Variants in IDE observed in about 807,000 individuals in gnomAD.
IDE encodes the protein insulin-degrading enzyme.
A neutral mutation model predicts 133.2 loss-of-function variants in IDE; 58 were observed. The observed-to-expected ratio is 0.44, with a 90% CI of 0.35 to 0.54. The LOEUF is 0.54. Ranked by LOEUF, IDE falls within the 20% of genes least tolerant of loss-of-function variation. The pLI is 0.00. For missense variants in IDE, 981 were observed against 1,234.0 expected (o/e 0.79, Z 3.07); for synonymous variants, 396 against 421.3 (o/e 0.94, Z 0.73).
Position 92,508,784 on chromosome 10 carries a change from C to A in IDE, c.1004G>T (p.Gly335Val). The A allele has an allele frequency of 6.2e-7, 1 of 1,613,916 alleles. No homozygotes were observed. Among genetic ancestry groups the A allele is most frequent in the Non-Finnish European group, 8.5e-7 (1 of 1,179,910 alleles). ...YYKSNPGHYL[G>V]HLIGHEGPGS... is the part of the protein sequence containing the mutation. ...AGGACCTTCATGCCCAATGAGATGACCAAGATAATGACCAGGATTTGATTT... is the reference window on the plus strand; with the variant it reads ...AGGACCTTCATGCCCAATGAGATGAACAAGATAATGACCAGGATTTGATTT... Residue 335 changes from glycine (G) to valine (V), a missense_variant, in exon 7 of 25, where the codon GGT becomes GTT. This residue lies in a region of IDE where 660 missense variants were observed against 894.7 expected (regional missense o/e 0.74). Transcript: ENST00000265986.
At chr10:92,558,594 T>C (rs1414627126) in intron 1 of IDE, among the ~76,000 whole-genome samples, 3 of 152,100 alleles carry the variant, frequency 2.0e-5, no homozygotes, top group Non-Finnish European at 4.4e-5. Flanking sequence ...AATATATTTT[T>C]TCATTTGTAT....
chr10:92,537,128 G>T (rs1842054490), intron 2 of IDE, among the ~76,000 whole-genome samples: 1 of 151,994 alleles, frequency 6.6e-6, no homozygotes, highest in Admixed American at 6.6e-5. Flanking sequence ...GAATGGCAAT[G>T]AATTTTTGCT....
At chr10:92,521,422 G>A (rs1418589601) in intron 4 of IDE, among the ~76,000 whole-genome samples, 1 of 151,884 alleles carries the variant, frequency 6.6e-6, no homozygotes. Context: ...TCTAGGCTAT[G>A]AGAAGTTCGA....
At chr10:92,510,847 A>C (rs1354556682) in intron 5 of IDE, among the ~76,000 whole-genome samples, 1 of 150,722 alleles carries the variant, frequency 6.6e-6, no homozygotes, top group African/African-American at 2.4e-5. Flanking sequence ...TATCACACAT[A>C]TGATATATAT....
rs566456638 is a variant in IDE, at chr10:92,490,724, C to G, written c.1431-129G>C. The G allele has an allele frequency of 2.4e-4, 154 of 636,084 alleles. No homozygotes were observed. The East Asian group carries it at 4.0e-3, about 16-fold the overall frequency. The allele number at this position is 636,084 out of a possible 1,614,324, so 39.4% of individuals were successfully genotyped here. A position where few individuals can be genotyped will look rare whatever the true frequency, so the allele number is the denominator to read the frequency against. Reference sequence around the variant, plus strand: ...CTGGGCCTCTTAAGACCCAGCAAATCCTGTAAGGCTTAGTCCAAACAAGCA... The same window carrying G: ...CTGGGCCTCTTAAGACCCAGCAAATGCTGTAAGGCTTAGTCCAAACAAGCA... On this transcript the variant is annotated intron_variant, in intron 11 of 24. Coordinates refer to ENST00000265986, the MANE Select transcript of IDE (RefSeq NM_004969.4).
chr10:92,484,066 C>T (rs542686523), intron 13 of IDE, among the ~76,000 whole-genome samples: 1 of 152,182 alleles, frequency 6.6e-6, no homozygotes, highest in South Asian at 2.1e-4. Context: ...ACGACAAGCC[C>T]TGAGCCAGAA....
chr10:92,564,875 A>G (rs1843457780), intron 1 of IDE, among the ~76,000 whole-genome samples: 1 of 151,820 alleles, frequency 6.6e-6, no homozygotes, highest in Admixed American at 6.6e-5. Flanking sequence ...TCTGCAACAC[A>G]GTAAGACCCC....
At chr10:92,557,959 T>A (rs1355194152) in intron 1 of IDE, among the ~76,000 whole-genome samples, 2 of 151,254 alleles carry the variant, frequency 1.3e-5, no homozygotes, top group Non-Finnish European at 2.9e-5. Flanking sequence ...TATCCACATG[T>A]AAAAAGATGA....
Position 92,465,862 on chromosome 10 carries a change from AC to A in IDE, c.2321-20del. On this transcript the variant is annotated intron_variant, in intron 19 of 24. Transcript: ENST00000265986. ...CATCCTCCTAGGAAGTTTCAAAAAG[AC>A]AGCAGCAAGTTCAAAAACTTATTTG... is the stretch of plus-strand genomic sequence containing the variant. 6.2e-7 allele frequency: 1 copy of A among 1,612,968 alleles called. No individual in the cohort carries two copies. The highest frequency in any genetic ancestry group is 8.5e-7 in the Non-Finnish European group (1 of 1,179,366).
chr10:92,552,322 A>G (rs1245141247), intron 1 of IDE, among the ~76,000 whole-genome samples: 1 of 152,250 alleles, frequency 6.6e-6, no homozygotes, highest in African/African-American at 2.4e-5. Context: ...AATGAAATCC[A>G]GTGTTCTCAT....
At chr10:92,509,753 T>C (rs989251279) in intron 6 of IDE, among the ~76,000 whole-genome samples, 1 of 151,992 alleles carries the variant, frequency 6.6e-6, no homozygotes, top group African/African-American at 2.4e-5. Flanking sequence ...AAACCCTGTG[T>C]CTACTAAAAA....
intron 5 of IDE, among the ~76,000 whole-genome samples, chr10:92,510,708 GAT>G (rs747441469): frequency 3.0e-4 from 45 of 150,740 alleles, no homozygotes; most frequent in Non-Finnish European, 5.2e-4. Flanking sequence ...TCACATATAT[GAT>G]ATATATCACA....
chr10:92,499,662 G>A (rs536288190), intron 11 of IDE, among the ~76,000 whole-genome samples: 3 of 152,240 alleles, frequency 2.0e-5, no homozygotes, highest in African/African-American at 4.8e-5. Context: ...GAACTCCTGA[G>A]CTCAAGCAAT....
intron 1 of IDE, among the ~76,000 whole-genome samples, chr10:92,565,083 T>C (rs1843468671): frequency 6.6e-6 from 1 of 151,480 alleles, no homozygotes; most frequent in Non-Finnish European, 1.5e-5. Flanking sequence ...CCATCTCTAC[T>C]AAAAATATAA....
At chr10:92,550,379 A>G (rs1842723432) in intron 1 of IDE, among the ~76,000 whole-genome samples, 1 of 152,224 alleles carries the variant, frequency 6.6e-6, no homozygotes, top group African/African-American at 2.4e-5. Flanking sequence ...CAAATGGCCA[A>G]TAAGCATATA....
At chr10:92,550,616 A>C (rs1842734211) in intron 1 of IDE, among the ~76,000 whole-genome samples, 1 of 142,292 alleles carries the variant, frequency 7.0e-6, no homozygotes. Context: ...GCGCCACTAC[A>C]CTCCAGCCTG....
At chr10:92,528,753 C>A (rs1488718073) in intron 4 of IDE, among the ~76,000 whole-genome samples, 2 of 151,968 alleles carry the variant, frequency 1.3e-5, no homozygotes, top group African/African-American at 4.8e-5. Context: ...AAATACACAC[C>A]TTTTTCTGGT....
At chr10:92,475,258 G>T (rs1251578192) in intron 16 of IDE, among the ~76,000 whole-genome samples, 4 of 152,174 alleles carry the variant, frequency 2.6e-5, no homozygotes, top group Admixed American at 2.6e-4. Flanking sequence ...TTTCAGGGAA[G>T]TCTTTTGGAA....
At chr10:92,507,749 T>A in intron 8 of IDE, 83 bp from the exon 9 acceptor site, 2 of 814,350 alleles carry the variant, frequency 2.5e-6, no homozygotes, top group Non-Finnish European at 4.3e-6. Context: ...TAAAGTCAGA[T>A]AAGTGGAAGA....
Sources: gnomAD v4.1 joint callset for allele counts (sites outside exome capture counted in the v4.1 genomes callset) on GRCh38, gnomAD v4.1.1 for gene constraint, gnomAD v4.1.1 regional missense constraint, MANE v1.5 for transcripts, NCBI Gene and HGNC (gene_info 2026-07-23, HGNC 2026-07-21) for gene names.